BRINP3: variants seen among roughly 807,000 people sequenced by gnomAD.
BRINP3 encodes BMP/retinoic acid-inducible neural-specific protein 3.
Under a neutral mutation model 71.0 loss-of-function variants are expected in BRINP3, and 19 were observed. That is an observed-to-expected ratio of 0.27 (90% CI 0.19 to 0.39). The LOEUF is 0.39. BRINP3 is among the 10% of genes least tolerant of loss of function. The probability of loss-of-function intolerance (pLI) is 1.00; values close to 1 mark genes in which losing one functional copy is unlikely to be tolerated. For synonymous variants in BRINP3, 380 were observed against 337.7 expected, an observed-to-expected ratio of 1.13 and a Z score of -1.37; for missense variants, 959 against 940.8, an observed-to-expected ratio of 1.02 and a Z score of -0.25.
chr1:190,125,102 A>G (rs1398382773), intron 7 of BRINP3, among the ~76,000 whole-genome samples: 1 of 151,976 alleles, frequency 6.6e-6, no homozygotes, highest in Non-Finnish European at 1.5e-5. Flanking sequence ...TCACACAGAT[A>G]ATTAGTAGCA....
intron 2 of BRINP3, among the ~76,000 whole-genome samples, chr1:190,447,454 TTTTCTAGTGTGGAAAAGGGAA>T (rs1315020299): frequency 2.0e-5 from 3 of 147,346 alleles, no homozygotes; most frequent in Non-Finnish European, 4.5e-5. Context: ...TCTCTTTCCC[TTTTCTAGTGTGGAAAAGGGAA>T]AGAGATTGAA....
At chr1:190,131,895 A>G (rs1327023745) in intron 7 of BRINP3, among the ~76,000 whole-genome samples, 1 of 152,092 alleles carries the variant, frequency 6.6e-6, no homozygotes, top group Non-Finnish European at 1.5e-5. Flanking sequence ...GACTTTGGAA[A>G]TATATGGATA....
chr1:190,477,043 T>C (rs1397168055), intron 1 of BRINP3, among the ~76,000 whole-genome samples: 1 of 152,202 alleles, frequency 6.6e-6, no homozygotes, highest in Non-Finnish European at 1.5e-5. Flanking sequence ...ACTAGCGAAC[T>C]TTCCAGACCT....
intron 2 of BRINP3, among the ~76,000 whole-genome samples, chr1:190,409,330 A>G (rs192078547): frequency 1.3e-5 from 2 of 152,326 alleles, no homozygotes; most frequent in Admixed American, 1.3e-4. Context: ...TTAAAGATAA[A>G]TATAAATGCC....
chr1:190,352,301 G>A (rs989006940), intron 2 of BRINP3, among the ~76,000 whole-genome samples: 2 of 151,960 alleles, frequency 1.3e-5, no homozygotes, highest in Non-Finnish European at 2.9e-5. Flanking sequence ...ATCTGTTTGG[G>A]TGATCCTGTT....
intron 6 of BRINP3, among the ~76,000 whole-genome samples, chr1:190,165,568 T>G (rs1462107400): frequency 6.7e-6 from 1 of 149,612 alleles, no homozygotes; most frequent in Non-Finnish European, 1.5e-5. Context: ...CAAATAAATA[T>G]GAAACTATGT....
At chr1:190,322,304 T>C (rs534021473) in intron 2 of BRINP3, among the ~76,000 whole-genome samples, 56 of 152,172 alleles carry the variant, frequency 3.7e-4, no homozygotes, top group African/African-American at 1.3e-3. Context: ...GAAAACCAGT[T>C]CTTTGTCTTT....
chr1:190,318,310 A>G lies in BRINP3; in HGVS notation c.237-36560T>C, dbSNP rs539351600. On this transcript the variant is annotated intron_variant, in intron 2 of 7. Transcript: ENST00000367462. ...ATCTAATATTTTCAGCATTGGGGGC[A>G]TGTAATGATTCTTGATTTGATTCTT... 3.7e-4 allele frequency among the ~76,000 whole-genome samples: 56 copies of G among 152,250 alleles called. 1 individual carries two copies. The highest frequency in any genetic ancestry group is 1.3e-3 in the African/African-American group (55 of 41,568).
chr1:190,457,562 T>C (rs1286244452), intron 1 of BRINP3, among the ~76,000 whole-genome samples: 1 of 152,212 alleles, frequency 6.6e-6, no homozygotes, highest in Non-Finnish European at 1.5e-5. Flanking sequence ...TAAACTATTA[T>C]AGAGGTCACC....
At chr1:190,444,914 C>T (rs10920720) in intron 2 of BRINP3, among the ~76,000 whole-genome samples, 28,151 of 152,068 alleles carry the variant, frequency 0.19, 2,715 homozygotes, top group Middle Eastern at 0.22. Flanking sequence ...TAATAAGATA[C>T]GTACGTCCTT....
intron 2 of BRINP3, among the ~76,000 whole-genome samples, chr1:190,395,963 G>A (rs1671538825): frequency 6.7e-6 from 1 of 150,312 alleles, no homozygotes; most frequent in South Asian, 2.1e-4. Context: ...AAAGAAAAGA[G>A]CAGAAGGAAA....
intron 7 of BRINP3, among the ~76,000 whole-genome samples, chr1:190,100,291 C>T (rs545785758): frequency 1.3e-5 from 2 of 152,236 alleles, no homozygotes; most frequent in South Asian, 2.1e-4. Context: ...ATATGCTGTA[C>T]TCAATCCTTT....
At chr1:190,352,190 A>C (rs1420429267) in intron 2 of BRINP3, among the ~76,000 whole-genome samples, 1 of 152,094 alleles carries the variant, frequency 6.6e-6, no homozygotes, top group East Asian at 1.9e-4. Flanking sequence ...TTAGATGATC[A>C]GGGAATTTAA....
chr1:190,203,135 G>A (rs1655154093), intron 6 of BRINP3, among the ~76,000 whole-genome samples: 1 of 151,836 alleles, frequency 6.6e-6, no homozygotes, highest in Non-Finnish European at 1.5e-5. Flanking sequence ...AATTCTATTA[G>A]TTAAAGTTAT....
chr1:190,329,736 C>T (rs1191900030), intron 2 of BRINP3, among the ~76,000 whole-genome samples: 1 of 151,900 alleles, frequency 6.6e-6, no homozygotes, highest in Non-Finnish European at 1.5e-5. Context: ...ATCACGTTGC[C>T]AAACTTAAAA....
At chr1:190,177,032 T>G (rs921873652) in intron 6 of BRINP3, among the ~76,000 whole-genome samples, 15 of 152,122 alleles carry the variant, frequency 9.9e-5, no homozygotes, top group South Asian at 2.1e-4. Context: ...TAATTGCAGA[T>G]GACTGTATTA....
intron 2 of BRINP3, among the ~76,000 whole-genome samples, chr1:190,386,850 T>A (rs1274714554): frequency 6.6e-6 from 1 of 152,042 alleles, no homozygotes; most frequent in South Asian, 2.1e-4. Context: ...AGCTATGCCA[T>A]AGGGTAAAAA....
chr1:190,203,798 T>TG (rs1655246978), intron 6 of BRINP3, among the ~76,000 whole-genome samples: 2 of 57,102 alleles, frequency 3.5e-5, no homozygotes, highest in Non-Finnish European at 3.3e-5. Flanking sequence ...TATATATATA[T>TG]ATATATATAT....
chr1:190,286,220 G>A (rs1212934883), intron 2 of BRINP3, among the ~76,000 whole-genome samples: 1 of 152,028 alleles, frequency 6.6e-6, no homozygotes, highest in Non-Finnish European at 1.5e-5. Flanking sequence ...CATCTACTAT[G>A]TATGTCCATA....
Sources: allele counts gnomAD v4.1 joint callset (sites outside exome capture counted in the v4.1 genomes callset), GRCh38; gene constraint gnomAD v4.1.1; transcripts MANE v1.5; gene names NCBI Gene and HGNC (gene_info 2026-07-23, HGNC 2026-07-21).